The following HCN1 variants were observed in gnomAD, a reference collection of about 807,000 sequenced individuals.
The protein encoded by HCN1 is potassium/sodium hyperpolarization-activated cyclic nucleotide-gated channel 1.
A neutral mutation model predicts 78.9 loss-of-function variants in HCN1; 13 were observed. That is an observed-to-expected ratio of 0.16 (90% CI 0.11 to 0.26). HCN1 has a LOEUF of 0.26. Ranked by LOEUF, HCN1 falls within the 10% of genes least tolerant of loss-of-function variation. The probability of loss-of-function intolerance (pLI) is 1.00; values close to 1 mark genes in which losing one functional copy is unlikely to be tolerated. For synonymous variants in HCN1, 552 were observed against 455.5 expected, an observed-to-expected ratio of 1.21 and a Z score of -2.70; for missense variants, 810 against 1,154.3, an observed-to-expected ratio of 0.70 and a Z score of 4.32.
intron 5 of HCN1, among the ~76,000 whole-genome samples, chr5:45,315,679 A>G (rs537407569): frequency 2.0e-4 from 31 of 152,328 alleles, no homozygotes; most frequent in Admixed American, 9.1e-4. Context: ...AGACTGATAA[A>G]GAAGAAAAGA....
chr5:45,387,029 G>A (rs1198353645), intron 4 of HCN1, among the ~76,000 whole-genome samples: 1 of 151,772 alleles, frequency 6.6e-6, no homozygotes, highest in Non-Finnish European at 1.5e-5. Context: ...CAATGAATAT[G>A]GAATATAATC....
Position 45,609,907 on chromosome 5 carries a change from T to G in HCN1, c.849+35278A>C, listed in dbSNP as rs150111600. Reference sequence around the variant, plus strand: ...AATGGCATGGCTCTTTTGAGGAATGTTGAGTAATTGTGTGAAGCTGATATA... The same window carrying G: ...AATGGCATGGCTCTTTTGAGGAATGGTGAGTAATTGTGTGAAGCTGATATA... On this transcript the variant is annotated intron_variant, in intron 2 of 7. Transcript: ENST00000303230. Among the ~76,000 whole-genome samples, 155 of 152,216 alleles carry G rather than the reference T, an allele frequency of 1.0e-3. 2 individuals carry two copies. Among genetic ancestry groups the G allele is most frequent in the Middle Eastern group, 6.8e-3 (2 of 294 alleles).
chr5:45,693,169 A>T (rs541595870), intron 1 of HCN1, among the ~76,000 whole-genome samples: 2 of 152,258 alleles, frequency 1.3e-5, no homozygotes, highest in African/African-American at 4.8e-5. Context: ...TACCGCTAGA[A>T]TTTTGTCTTT....
At chr5:45,668,585 TTA>T (rs1195367716) in intron 1 of HCN1, among the ~76,000 whole-genome samples, 4 of 151,938 alleles carry the variant, frequency 2.6e-5, no homozygotes, top group African/African-American at 4.8e-5. Flanking sequence ...ACATGCAAAA[TTA>T]TATGTTTATC....
intron 4 of HCN1, among the ~76,000 whole-genome samples, chr5:45,389,296 C>A (rs566682076): frequency 6.6e-6 from 1 of 152,166 alleles, no homozygotes; most frequent in African/African-American, 2.4e-5. Context: ...TCTTTCAGGT[C>A]TCTTCTCAAA....
intron 5 of HCN1, among the ~76,000 whole-genome samples, chr5:45,322,193 T>A (rs1273883927): frequency 6.6e-6 from 1 of 151,834 alleles, no homozygotes; most frequent in Non-Finnish European, 1.5e-5. Context: ...AATGTAAACA[T>A]GGAGCCTAAG....
intron 6 of HCN1, among the ~76,000 whole-genome samples, chr5:45,293,961 G>T (rs1375864043): frequency 6.6e-6 from 1 of 151,768 alleles, no homozygotes; most frequent in African/African-American, 2.4e-5. Context: ...GGAAGGAAAA[G>T]AAAAATTAAA....
chr5:45,315,290 G>T lies in HCN1; in HGVS notation c.1378-11451C>A, dbSNP rs1579803920. Among the ~76,000 whole-genome samples the T allele has an allele frequency of 2.0e-5, 3 of 152,176 alleles. No homozygotes were observed. In the South Asian group the frequency reaches 6.2e-4, roughly 32 times the overall value. ...CAAAACCGCTCAACTACATGGAAAT[G>T]GAACAACCTGCTCCTGAATGACTAC... On this transcript the variant is annotated intron_variant, in intron 5 of 7. Coordinates refer to ENST00000303230, the MANE Select transcript of HCN1 (RefSeq NM_021072.4).
At chr5:45,596,984 C>G (rs1189989009) in intron 2 of HCN1, among the ~76,000 whole-genome samples, 2 of 151,862 alleles carry the variant, frequency 1.3e-5, no homozygotes, top group Non-Finnish European at 2.9e-5. Context: ...AACGTTACCT[C>G]TTACAAAGAG....
At chr5:45,428,071 A>G (rs923784459) in intron 3 of HCN1, among the ~76,000 whole-genome samples, 3 of 152,020 alleles carry the variant, frequency 2.0e-5, no homozygotes, top group African/African-American at 7.2e-5. Context: ...AAGCCACTTA[A>G]TATCTATGAA....
At chr5:45,519,995 G>A (rs1252497233) in intron 2 of HCN1, among the ~76,000 whole-genome samples, 1 of 151,854 alleles carries the variant, frequency 6.6e-6, no homozygotes, top group African/African-American at 2.4e-5. Context: ...TGAATTCATT[G>A]CCACAAAATA....
chr5:45,302,332 C>T (rs1745643548), intron 6 of HCN1, among the ~76,000 whole-genome samples: 2 of 152,036 alleles, frequency 1.3e-5, no homozygotes, highest in Non-Finnish European at 2.9e-5. Flanking sequence ...GCTTGTCTCT[C>T]CTTCACCTTC....
chr5:45,556,975 G>A (rs899330667), intron 2 of HCN1, among the ~76,000 whole-genome samples: 1 of 151,906 alleles, frequency 6.6e-6, no homozygotes, highest in Non-Finnish European at 1.5e-5. Flanking sequence ...ACCTACACAT[G>A]ACTTTGGACT....
chr5:45,571,011 T>C (rs1277798906), intron 2 of HCN1, among the ~76,000 whole-genome samples: 1 of 152,186 alleles, frequency 6.6e-6, no homozygotes, highest in Non-Finnish European at 1.5e-5. Context: ...GATATGATTG[T>C]ACTGTTGAAA....
At chr5:45,429,400 C>T (rs1740417893) in intron 3 of HCN1, among the ~76,000 whole-genome samples, 1 of 152,104 alleles carries the variant, frequency 6.6e-6, no homozygotes, top group African/African-American at 2.4e-5. Flanking sequence ...ATATATATCC[C>T]TTACTCACAT....
At chr5:45,311,675 G>A (rs756775401) in intron 5 of HCN1, among the ~76,000 whole-genome samples, 3 of 152,300 alleles carry the variant, frequency 2.0e-5, no homozygotes, top group African/African-American at 2.4e-5. Context: ...ATATAAAAGT[G>A]TTGACTGAAG....
At chr5:45,459,445 G>T (rs1404392256) in intron 3 of HCN1, among the ~76,000 whole-genome samples, 1 of 145,142 alleles carries the variant, frequency 6.9e-6, no homozygotes, top group Middle Eastern at 3.7e-3. Flanking sequence ...ATTCTGGAAA[G>T]ATATTTTGTA....
intron 2 of HCN1, among the ~76,000 whole-genome samples, chr5:45,544,524 C>T (rs182915897): frequency 1.7e-3 from 258 of 151,902 alleles, no homozygotes; most frequent in African/African-American, 5.6e-3. Flanking sequence ...ATACATGTGC[C>T]ATGTTGGTGT....
intron 2 of HCN1, among the ~76,000 whole-genome samples, chr5:45,607,602 G>GAT (rs1744749511): frequency 6.9e-6 from 1 of 143,886 alleles, no homozygotes; most frequent in South Asian, 2.2e-4. Context: ...TATATCTATA[G>GAT]ATAGATCCAG....
Sources: gnomAD v4.1 joint callset for allele counts (sites outside exome capture counted in the v4.1 genomes callset) on GRCh38, gnomAD v4.1.1 for gene constraint, MANE v1.5 for transcripts, NCBI Gene and HGNC (gene_info 2026-07-23, HGNC 2026-07-21) for gene names.